TCF20: variants seen among roughly 807,000 people sequenced by gnomAD.
TCF20 encodes the protein SPRE-binding protein.
In TCF20, 3 loss-of-function variants were observed where a neutral mutation model predicts 148.6. The observed-to-expected ratio is 0.02, with a 90% confidence interval of 0.01 to 0.05. TCF20 has a LOEUF of 0.05. Among genes scored for constraint, TCF20 ranks in the 10% least tolerant of loss-of-function variants. The pLI is 1.00. For missense variants in TCF20, 2,350 were observed against 2,429.3 expected, an observed-to-expected ratio of 0.97 and a Z score of 0.69; for synonymous variants, 1,049 against 909.5, an observed-to-expected ratio of 1.15 and a Z score of -2.76.
intron 1 of TCF20, among the ~76,000 whole-genome samples, chr22:42,294,461 C>T (rs1488659946): frequency 3.9e-5 from 6 of 152,076 alleles, no homozygotes; most frequent in African/African-American, 1.2e-4. Context: ...TGCTGGGGGT[C>T]GGCGTGGCAG....
chr22:42,283,618 C>G (rs933345799), intron 1 of TCF20, among the ~76,000 whole-genome samples: 1 of 152,156 alleles, frequency 6.6e-6, no homozygotes, highest in Non-Finnish European at 1.5e-5. Flanking sequence ...AGCCGCCACT[C>G]GAGCAGCTGC....
Position 42,172,444 on chromosome 22 carries a change from C to T in TCF20, c.5750-2548G>A, listed in dbSNP as rs138695999. 1.9e-3 allele frequency among the ~76,000 whole-genome samples: 286 copies of T among 152,328 alleles called. 1 individual carries two copies. The highest frequency in any genetic ancestry group is 3.6e-3 in the Non-Finnish European group (245 of 68,028). On this transcript the variant is annotated intron_variant, in intron 3 of 5. Coordinates refer to ENST00000677622, the MANE Select transcript of TCF20 (RefSeq NM_001378418.1). ...GCACCATCCTACACTGTCCAGAGGG[C>T]GCAGTCAGCACTTCTGCATAGTGAA...
Position 42,160,347 on chromosome 22 carries a change from C to G in TCF20, c.*1056G>C, listed in dbSNP as rs1304763785. On this transcript the variant is annotated 3_prime_UTR_variant, in exon 6 of 6. Transcript: ENST00000677622. ...GGGTTAAATGGGTGTTCCTGGTCAGCTTAACCCACTCTGATCACAGCGACA... is the reference window on the plus strand; with the variant it reads ...GGGTTAAATGGGTGTTCCTGGTCAGGTTAACCCACTCTGATCACAGCGACA... 6.6e-6 allele frequency: 1 copy of G among 152,610 alleles called. No individual in the cohort carries two copies. The highest frequency in any genetic ancestry group is 1.5e-5 in the Non-Finnish European group (1 of 68,034). The allele number at this position is 152,610 out of a possible 1,614,324, so 9.5% of individuals were successfully genotyped here.
intron 5 of TCF20, among the ~76,000 whole-genome samples, 186 bp downstream of exon 5, chr22:42,168,423 C>A (rs1477503305): frequency 6.6e-6 from 1 of 152,170 alleles, no homozygotes; most frequent in African/African-American, 2.4e-5. Context: ...AGTTTAGAAG[C>A]CCCCACTCCT....
At chr22:42,252,732 G>GT (rs1174866137) in intron 1 of TCF20, among the ~76,000 whole-genome samples, 1 of 152,178 alleles carries the variant, frequency 6.6e-6, no homozygotes, top group Non-Finnish European at 1.5e-5. Context: ...GATTACAGGT[G>GT]TGAGCCACGG....
At chr22:42,177,137 G>A (rs573277927) in intron 3 of TCF20, among the ~76,000 whole-genome samples, 1 of 152,154 alleles carries the variant, frequency 6.6e-6, no homozygotes, top group East Asian at 1.9e-4. Context: ...AAAAAACGCT[G>A]GGCGCGGTGG....
intron 1 of TCF20, among the ~76,000 whole-genome samples, chr22:42,223,811 G>A (rs185620284): frequency 1.6e-4 from 25 of 152,274 alleles, no homozygotes; most frequent in African/African-American, 5.8e-4. Flanking sequence ...AGTGTATCAA[G>A]CATAAAGATC....
chr22:42,244,850 C>CA (rs1454709782), intron 1 of TCF20, among the ~76,000 whole-genome samples: 10 of 152,208 alleles, frequency 6.6e-5, no homozygotes, highest in African/African-American at 2.4e-4. Flanking sequence ...GAGGCTGAGG[C>CA]AGGAGGATCA....
At chr22:42,189,957 G>A (rs1286341798) in intron 2 of TCF20, among the ~76,000 whole-genome samples, 2 of 152,140 alleles carry the variant, frequency 1.3e-5, no homozygotes, top group Non-Finnish European at 2.9e-5. Context: ...TCACTGGAGC[G>A]GAGCTGTCCA....
At chr22:42,164,206 TTC>T (rs1935633977) in intron 5 of TCF20, among the ~76,000 whole-genome samples, 1 of 128,156 alleles carries the variant, frequency 7.8e-6, no homozygotes, top group Non-Finnish European at 1.6e-5. Flanking sequence ...ATGCACTCAT[TTC>T]TTTCTTTTTT....
chr22:42,251,922 G>A (rs1925402675), intron 1 of TCF20, among the ~76,000 whole-genome samples: 1 of 151,810 alleles, frequency 6.6e-6, no homozygotes, highest in Non-Finnish European at 1.5e-5. Flanking sequence ...GTGTCTTTTA[G>A]GCCAGGCGCA....
upstream of TCF20, among the ~76,000 whole-genome samples, chr22:42,275,543 A>G (rs865855467): frequency 1.3e-5 from 2 of 152,054 alleles, no homozygotes; most frequent in South Asian, 2.1e-4. Flanking sequence ...AAATCATCCA[A>G]TTTCTTCAGC....
chr22:42,247,167 C>T (rs1354074648), intron 1 of TCF20, among the ~76,000 whole-genome samples: 1 of 151,658 alleles, frequency 6.6e-6, no homozygotes, highest in Non-Finnish European at 1.5e-5. Context: ...AGGCTGCACG[C>T]GGTGGCTCAT....
chr22:42,199,266 C>A (rs187356618), intron 2 of TCF20, among the ~76,000 whole-genome samples: 1 of 152,118 alleles, frequency 6.6e-6, no homozygotes, highest in Non-Finnish European at 1.5e-5. Flanking sequence ...CTCATCTAAA[C>A]CCTGTGGCCA....
chr22:42,273,076 A>G (rs142174483), upstream of TCF20, among the ~76,000 whole-genome samples: 184 of 152,258 alleles, frequency 1.2e-3, 2 homozygotes, highest in East Asian at 0.03. Flanking sequence ...AGAGAGCTGC[A>G]TAGGCCAGGC....
At chr22:42,269,458 C>A (rs1346887996) in intron 1 of TCF20, among the ~76,000 whole-genome samples, 2 of 152,206 alleles carry the variant, frequency 1.3e-5, no homozygotes, top group Non-Finnish European at 2.9e-5. Flanking sequence ...GGCCGCTCCT[C>A]GGCACCGCCC....
At position 42,210,733 on chromosome 22, in the gene TCF20, G is replaced by T. The variant is rs978153675; in HGVS notation, c.4573C>A (p.Gln1525Lys). ...TATCCCTTTGGAGGGAAACCCTCTT[G>T]CTTCGGTGAAATCGTCACTGTATCG... ...ENDTVTISPK[Q>K]EGFPPKGYFP... is the part of the protein sequence containing the mutation. The change falls in exon 2 of 6, where the codon CAA (glutamine) becomes AAA (lysine). Residue 1525 changes from glutamine to lysine, a missense_variant. This residue lies in a region of TCF20 where 231 missense variants were observed against 213.7 expected (regional missense o/e 1.08). Transcript: ENST00000677622. The surrounding 1 kb of genome is among the most constrained non-coding windows in gnomAD (Gnocchi z 4.7). 6.2e-7 allele frequency: 1 copy of T among 1,614,086 alleles called. No homozygotes were observed. Among genetic ancestry groups the T allele is most frequent in the Non-Finnish European group, 8.5e-7 (1 of 1,180,036 alleles).
At chr22:42,273,019 A>G (rs967430721), upstream of TCF20, among the ~76,000 whole-genome samples, 6 of 151,450 alleles carry the variant, frequency 4.0e-5, no homozygotes, top group African/African-American at 1.2e-4. Flanking sequence ...TAAAAGAAAA[A>G]AATTTTTTTT....
In TCF20 at chr22:42,197,944, T is replaced by C. The variant is rs139039560; in HGVS notation, c.5655+11707A>G. Among the ~76,000 whole-genome samples the C allele has an allele frequency of 3.3e-5, 5 of 152,310 alleles. No individual in the cohort carries two copies. The East Asian group carries it at 7.7e-4, about 23-fold the overall frequency. Reference sequence around the variant, plus strand: ...GCTCATGCCTTGTTATGACCCTTTGTTGATTAAACCACAAGACAATGCCTA... The same window carrying C: ...GCTCATGCCTTGTTATGACCCTTTGCTGATTAAACCACAAGACAATGCCTA... On this transcript the variant is annotated intron_variant, in intron 2 of 5. Coordinates refer to ENST00000677622, the MANE Select transcript of TCF20 (RefSeq NM_001378418.1).
Sources: allele counts gnomAD v4.1 joint callset (sites outside exome capture counted in the v4.1 genomes callset), GRCh38; gene constraint gnomAD v4.1.1; regional missense constraint gnomAD v4.1.1; non-coding constraint Gnocchi (gnomAD v3.1); transcripts MANE v1.5; gene names NCBI Gene and HGNC (gene_info 2026-07-23, HGNC 2026-07-21).